ARMH1: variants seen among roughly 807,000 people sequenced by gnomAD.
The protein encoded by ARMH1 is armadillo like helical domain containing 1.
In ARMH1, 34 loss-of-function variants were observed where a neutral mutation model predicts 50.2. The observed-to-expected ratio is 0.68, with a 90% CI of 0.51 to 0.90. The LOEUF (loss-of-function observed/expected upper bound fraction) is 0.90, where lower values mean the gene tolerates loss of function less well. Among genes scored for constraint, ARMH1 ranks in the 40% least tolerant of loss-of-function variants. The pLI, the probability that ARMH1 is intolerant of heterozygous loss-of-function variation, is 0.00. For missense variants in ARMH1, 538 were observed against 553.9 expected (o/e 0.97, Z 0.29); for synonymous variants, 221 against 224.2 (o/e 0.99, Z 0.13).
rs768423507 is a variant in ARMH1 at position 44,694,226 on chromosome 1, C to T, written c.207-2876C>T. 2.6e-4 allele frequency among the ~76,000 whole-genome samples: 40 copies of T among 152,136 alleles called. 1 individual carries two copies. Among genetic ancestry groups the T allele is most frequent in the Admixed American group, 5.2e-4 (8 of 15,258 alleles). ...ATTCCCTAACTTTTTGCAGCCTTGT[C>T]GTACAACAGATAAAATAGACTGCGT... On this transcript the variant is annotated intron_variant, in intron 2 of 11. Coordinates refer to ENST00000535358, the MANE Select transcript of ARMH1 (RefSeq NM_001145636.2).
At chr1:44,705,096 A>G (rs1646282287) in intron 6 of ARMH1, among the ~76,000 whole-genome samples, 2 of 150,494 alleles carry the variant, frequency 1.3e-5, no homozygotes, top group African/African-American at 4.9e-5. Flanking sequence ...CGGCCTCCCA[A>G]AGTGCTGGGA....
At chr1:44,721,582 G>A (rs900543867) in intron 6 of ARMH1, among the ~76,000 whole-genome samples, 4 of 152,028 alleles carry the variant, frequency 2.6e-5, no homozygotes, top group Non-Finnish European at 5.9e-5. Context: ...CATGACAGTA[G>A]GCCGGGCACT....
intron 6 of ARMH1, among the ~76,000 whole-genome samples, chr1:44,715,987 A>T (rs1646834163): frequency 6.6e-6 from 1 of 152,234 alleles, no homozygotes; most frequent in Non-Finnish European, 1.5e-5. Flanking sequence ...ATGGGGCCTG[A>T]ACTCTCAAAC....
intron 5 of ARMH1, among the ~76,000 whole-genome samples, chr1:44,702,474 G>T (rs1646126837): frequency 1.3e-5 from 2 of 152,102 alleles, no homozygotes; most frequent in Non-Finnish European, 2.9e-5. Context: ...AGCACTTTGG[G>T]AGGCCGAGGT....
intron 1 of ARMH1, among the ~76,000 whole-genome samples, chr1:44,675,142 T>G (rs1430197719): frequency 6.6e-6 from 1 of 152,080 alleles, no homozygotes; most frequent in Non-Finnish European, 1.5e-5. Flanking sequence ...CTAAATAAGG[T>G]TCCTTAGGCC....
chr1:44,721,559 G>A (rs1291478428), intron 6 of ARMH1, among the ~76,000 whole-genome samples: 6 of 151,888 alleles, frequency 4.0e-5, no homozygotes, highest in African/African-American at 9.7e-5. Flanking sequence ...ATGTTTACAA[G>A]AAGCTAAAAA....
intron 2 of ARMH1, among the ~76,000 whole-genome samples, chr1:44,690,185 T>C (rs914568974): frequency 6.6e-6 from 1 of 152,096 alleles, no homozygotes; most frequent in Non-Finnish European, 1.5e-5. Context: ...GCCACTGCAC[T>C]CCAGCCTGGG....
At chr1:44,678,489 AG>A (rs1645206405) in intron 1 of ARMH1, among the ~76,000 whole-genome samples, 3 of 152,060 alleles carry the variant, frequency 2.0e-5, no homozygotes, top group South Asian at 2.1e-4. Flanking sequence ...GGAGCAGAAG[AG>A]GGTCCATGAG....
intron 6 of ARMH1, chr1:44,721,655 G>C (rs551219572): frequency 2.4e-4 from 36 of 152,230 alleles, no homozygotes; most frequent in African/African-American, 8.7e-4. Flanking sequence ...CTTGAGCATG[G>C]GAGATGGAGG....
chr1:44,724,448 C>T lies in ARMH1; in HGVS notation c.920+56C>T, dbSNP rs1400614144. ...AGCAAGCCTGGCTTGGCGCTGCCGG[C>T]GGGCCCCGGGAGCGCTCCGTGCGCC... On this transcript the variant is annotated intron_variant, in intron 8 of 11. Transcript: ENST00000535358. This position sits in a 1 kb window ranked among gnomAD's most constrained non-coding sequence, Gnocchi z 6.4. The T allele has an allele frequency of 3.3e-6, 5 of 1,531,776 alleles. No individual in the cohort carries two copies. Among genetic ancestry groups the T allele is most frequent in the Non-Finnish European group, 3.5e-6 (4 of 1,140,180 alleles). 94.9% of individuals were successfully genotyped at this position (1,531,776 alleles called of 1,614,324 possible). A position where few individuals can be genotyped will look rare whatever the true frequency, so the allele number is the denominator to read the frequency against.
At chr1:44,716,652 G>A (rs1394099195) in intron 6 of ARMH1, among the ~76,000 whole-genome samples, 1 of 152,116 alleles carries the variant, frequency 6.6e-6, no homozygotes, top group Non-Finnish European at 1.5e-5. Flanking sequence ...ATATGCAGAT[G>A]CGTTCCCTCT....
Position 44,724,035 on chromosome 1 carries a change from G to A in ARMH1, c.725-87G>A, listed in dbSNP as rs1310435501. ...ATCAGTAAAAGAGGAGGACACTGAC[G>A]AGTGGCGACTTGGTTCACGGGGTTC... is the stretch of plus-strand genomic sequence containing the variant. On this transcript the variant is annotated intron_variant, in intron 6 of 11. Transcript: ENST00000535358. This position sits in a 1 kb window ranked among gnomAD's most constrained non-coding sequence, Gnocchi z 6.4. 6.7e-7 allele frequency: 1 copy of A among 1,483,826 alleles called. No homozygotes were observed. The highest frequency in any genetic ancestry group is 2.5e-5 in the East Asian group (1 of 40,466). The allele number at this position is 1,483,826 out of a possible 1,614,324, so 91.9% of individuals were successfully genotyped here. A position where few individuals can be genotyped will look rare whatever the true frequency, so the allele number is the denominator to read the frequency against.
At chr1:44,723,925 C>A (rs957878489) in intron 6 of ARMH1, 197 bp from the exon 7 acceptor site, 5 of 637,878 alleles carry the variant, frequency 7.8e-6, no homozygotes, top group South Asian at 4.8e-5. Flanking sequence ...ACCATCCAAC[C>A]CTTCCTCCTC....
chr1:44,725,462 G>T lies in ARMH1; in HGVS notation c.*59G>T. ...GCGGGGCAGGGAAGCCTGGCAAGAG[G>T]AAGGCGCCTGGGGTCAAGCTCAGAG... On this transcript the variant is annotated 3_prime_UTR_variant, in exon 12 of 12. Transcript: ENST00000535358. The T allele has an allele frequency of 6.6e-7, 1 of 1,515,418 alleles. No individual in the cohort carries two copies. Among genetic ancestry groups the T allele is most frequent in the South Asian group, 1.2e-5 (1 of 82,976 alleles). The allele number at this position is 1,515,418 out of a possible 1,614,324, so 93.9% of individuals were successfully genotyped here. A position where few individuals can be genotyped will look rare whatever the true frequency, so the allele number is the denominator to read the frequency against.
At chr1:44,685,163 A>G (rs1412689655) in intron 1 of ARMH1, among the ~76,000 whole-genome samples, 4 of 152,228 alleles carry the variant, frequency 2.6e-5, no homozygotes, top group Admixed American at 1.3e-4. Context: ...GTAAATTAAA[A>G]AAGACCTTCA....
intron 6 of ARMH1, among the ~76,000 whole-genome samples, chr1:44,722,709 A>G (rs529297596): frequency 6.6e-6 from 1 of 151,340 alleles, no homozygotes; most frequent in Admixed American, 6.6e-5. Context: ...CTCCAGCCTG[A>G]GTGATGACAG....
At position 44,724,344 on chromosome 1, in the gene ARMH1, C is replaced by G. The variant is rs752043708; in HGVS notation, c.872C>G (p.Pro291Arg). 8 of 1,551,432 alleles carry G rather than the reference C, an allele frequency of 5.2e-6. No homozygotes were observed. Among genetic ancestry groups the G allele is most frequent in the Non-Finnish European group, 5.2e-6 (6 of 1,146,984 alleles). ...GACCCCTCGGTTCTCCAGCTCACCC[C>G]CAGCCTGCCGATGTTTTTGCAGCAG... ...LSDPSVLQLT[P>R]SLPMFLQQAA... Residue 291 changes from proline to arginine, a missense_variant, in exon 8 of 12, where the codon CCC becomes CGC. Transcript: ENST00000535358. The surrounding 1 kb of genome is among the most constrained non-coding windows in gnomAD (Gnocchi z 6.4).
chr1:44,725,164 TAGAC>T lies in ARMH1; in HGVS notation c.1160_1163del (p.Asp387AlafsTer27), dbSNP rs1648104925. ...AACGCTGAGGACTTGTACATGAAAA[TAGAC>T]AGCATTCAGGCGGACATCTTGGCGG... On this transcript the variant is annotated frameshift_variant, in exon 11 of 12. Transcript: ENST00000535358. LOFTEE classifies it high-confidence loss of function. The T allele has an allele frequency of 6.4e-7, 1 of 1,551,816 alleles. No individual in the cohort carries two copies. Among genetic ancestry groups the T allele is most frequent in the Non-Finnish European group, 8.7e-7 (1 of 1,147,010 alleles).
Position 44,724,159 on chromosome 1 carries a change from G to C in ARMH1, c.762G>C (p.Val254=), listed in dbSNP as rs1352115182. The change falls in exon 7 of 12, where the codon GTG becomes GTC. Residue 254 remains valine, a synonymous_variant. Coordinates refer to ENST00000535358, the MANE Select transcript of ARMH1 (RefSeq NM_001145636.2). This position sits in a 1 kb window ranked among gnomAD's most constrained non-coding sequence, Gnocchi z 6.4. Reference sequence around the variant, plus strand: ...TCAAAGACCTGGTCGGTTACGATGTGCGCCAGGCGCTGCTCAAGGGCCTCG... The same window carrying C: ...TCAAAGACCTGGTCGGTTACGATGTCCGCCAGGCGCTGCTCAAGGGCCTCG... The part of the protein sequence containing the change: ...ELIKDLVGYD[V]RQALLKGLVA... 19 of 1,551,570 alleles carry C rather than the reference G, an allele frequency of 1.2e-5. No individual in the cohort carries two copies. The highest frequency in any genetic ancestry group is 1.6e-5 in the Non-Finnish European group (18 of 1,146,986).
Sources: allele counts gnomAD v4.1 joint callset (sites outside exome capture counted in the v4.1 genomes callset), GRCh38; gene constraint gnomAD v4.1.1; non-coding constraint Gnocchi (gnomAD v3.1); transcripts MANE v1.5; gene names NCBI Gene and HGNC (gene_info 2026-07-23, HGNC 2026-07-21).